Variants in TM2D3 observed in about 807,000 individuals in gnomAD.
TM2D3 encodes TM2 domain-containing protein 3.
Under a neutral mutation model 27.3 loss-of-function variants are expected in TM2D3, and 33 were observed. The observed-to-expected ratio is 1.21, with a 90% CI of 0.92 to 1.61. The LOEUF is 1.61. TM2D3 is among the 40% of genes most tolerant of loss of function. The pLI is 0.00. For synonymous variants in TM2D3, 138 were observed against 122.2 expected (o/e 1.13, Z -0.85); for missense variants, 364 against 320.8 (o/e 1.13, Z -1.03).
chr15:101,652,245 G>C (rs750319555), intron 1 of TM2D3, 26 bp downstream of exon 1: 9 of 1,593,932 alleles, frequency 5.6e-6, no homozygotes, highest in Non-Finnish European at 7.7e-6. Flanking sequence ...AGCCCCACCC[G>C]GCGCTGAACC....
downstream of TM2D3, among the ~76,000 whole-genome samples, chr15:101,641,502 G>T (rs1238758863): frequency 6.6e-6 from 1 of 152,218 alleles, no homozygotes; most frequent in Admixed American, 6.5e-5. Context: ...TTCTAGATAT[G>T]ATATGGTGGT....
In TM2D3 at chr15:101,644,939, T is replaced by C. The variant is rs534790862; in HGVS notation, c.578+148A>G. 8 of 736,114 alleles carry C rather than the reference T, an allele frequency of 1.1e-5. No homozygotes were observed. In the East Asian group the frequency reaches 1.9e-4, roughly 17 times the overall value. The allele number at this position is 736,114 out of a possible 1,614,324, so 45.6% of individuals were successfully genotyped here. ...CTCCACGGAGGTACTGGTCTGATCA[T>C]CTAAACTCTTCCAGCTGTTTGCTAG... On this transcript the variant is annotated intron_variant, in intron 5 of 5. Coordinates refer to ENST00000333202, the MANE Select transcript of TM2D3 (RefSeq NM_078474.3).
intron 4 of TM2D3, 87 bp downstream of exon 4, chr15:101,646,638 C>T (rs2141365857): frequency 6.8e-7 from 1 of 1,477,562 alleles, no homozygotes; most frequent in Non-Finnish European, 9.4e-7. Context: ...AATTAAGTAA[C>T]TTGACTCGCA....
chr15:101,647,794 A>G (rs1037940791), intron 3 of TM2D3, among the ~76,000 whole-genome samples: 3 of 152,120 alleles, frequency 2.0e-5, no homozygotes, highest in Non-Finnish European at 4.4e-5. Context: ...TCTACCTGAC[A>G]TTACATTGCA....
At chr15:101,639,804 T>C (rs191402042), downstream of TM2D3, among the ~76,000 whole-genome samples, 152 of 152,314 alleles carry the variant, frequency 1.0e-3, no homozygotes, top group African/African-American at 3.4e-3. Flanking sequence ...TGCCAGTCCC[T>C]GGAATTGTAC....
chr15:101,633,775 T>A (rs1443426196), intron 4 of TM2D3: 1 of 1,475,202 alleles, frequency 6.8e-7, no homozygotes, highest in Non-Finnish European at 9.1e-7. Context: ...CAATTAGTTC[T>A]TATGACATAA....
At chr15:101,641,212 C>T (rs1201975313), downstream of TM2D3, among the ~76,000 whole-genome samples, 1 of 152,138 alleles carries the variant, frequency 6.6e-6, no homozygotes, top group Non-Finnish European at 1.5e-5. Context: ...AAGAAAGGTC[C>T]ACATAAACCG....
At chr15:101,639,026 G>A (rs1436239879), downstream of TM2D3, among the ~76,000 whole-genome samples, 1 of 152,198 alleles carries the variant, frequency 6.6e-6, no homozygotes, top group Admixed American at 6.5e-5. Context: ...TGGAGCCTTA[G>A]TAAATTATGT....
chr15:101,640,513 T>C (rs1417091243), downstream of TM2D3, among the ~76,000 whole-genome samples: 1 of 152,184 alleles, frequency 6.6e-6, no homozygotes, highest in Admixed American at 6.5e-5. Flanking sequence ...AGCAGAGGAA[T>C]AGAACCTGAA....
chr15:101,652,268 C>T lies in TM2D3; in HGVS notation c.91+3G>A, dbSNP rs1193903061. The T allele has an allele frequency of 4.4e-6, 7 of 1,604,396 alleles. No homozygotes were observed. The Admixed American group carries it at 1.0e-4, about 23-fold the overall frequency. On this transcript the variant is annotated splice_donor_region_variant and intron_variant, in intron 1 of 5. Transcript: ENST00000333202. ...CCGGCGCTGAACCCAGCCTTTGACT[C>T]ACCACCGCCCGACAGAATGCAGAAC...
At chr15:101,641,404 A>C (rs562840568), downstream of TM2D3, among the ~76,000 whole-genome samples, 1 of 152,362 alleles carries the variant, frequency 6.6e-6, no homozygotes, top group East Asian at 1.9e-4. Context: ...ACTGTGCTTT[A>C]AACAGCAGCA....
At chr15:101,643,292 T>C (rs1896714988) in intron 5 of TM2D3, among the ~76,000 whole-genome samples, 1 of 152,040 alleles carries the variant, frequency 6.6e-6, no homozygotes, top group South Asian at 2.1e-4. Flanking sequence ...ATCATCTCAT[T>C]ACAGTGATGA....
rs555678568 is a variant in TM2D3, at chr15:101,642,963, C to T, written c.579-319G>A. Among the ~76,000 whole-genome samples, 7 of 152,196 alleles carry T rather than the reference C, an allele frequency of 4.6e-5. No homozygotes were observed. The South Asian group carries it at 1.0e-3, about 23-fold the overall frequency. On this transcript the variant is annotated intron_variant, in intron 5 of 5. Coordinates refer to ENST00000333202, the MANE Select transcript of TM2D3 (RefSeq NM_078474.3). Reference sequence around the variant, plus strand: ...CAGTCTAACAGGAAGTGCACTAACACGGGGTCAGGGCTGGAGTCAGGAGGA... The same window carrying T: ...CAGTCTAACAGGAAGTGCACTAACATGGGGTCAGGGCTGGAGTCAGGAGGA...
chr15:101,634,761 C>A (rs1567307846), intron 4 of TM2D3: 1 of 152,180 alleles, frequency 6.6e-6, no homozygotes, highest in African/African-American at 2.4e-5. Flanking sequence ...ACAGTGAAAA[C>A]CAGCTACAAA....
At chr15:101,639,183 A>G (rs940893821), downstream of TM2D3, among the ~76,000 whole-genome samples, 8 of 152,206 alleles carry the variant, frequency 5.3e-5, no homozygotes, top group East Asian at 9.6e-4. Context: ...TACAGTTATC[A>G]TATTATAAAT....
At chr15:101,643,635 A>AC (rs1276080445) in intron 5 of TM2D3, among the ~76,000 whole-genome samples, 2 of 150,028 alleles carry the variant, frequency 1.3e-5, no homozygotes, top group Non-Finnish European at 3.0e-5. Context: ...AAAAAAAAAA[A>AC]AAAACCATGT....
chr15:101,646,789 C>A lies in TM2D3; in HGVS notation c.438G>T (p.Thr146=). Reference sequence around the variant, plus strand: ...GGTAGCGCTGCCGAGGACAGGACACCGTCATGCAGCTGGTGGAGTTGGTAC... The same window carrying A: ...GGTAGCGCTGCCGAGGACAGGACACAGTCATGCAGCTGGTGGAGTTGGTAC... ...YECTNSTSCM[T]VSCPRQRYPA... is the part of the protein sequence containing the mutation. The change falls in exon 4 of 6, where the codon ACG becomes ACT. Residue 146 remains threonine (T), a synonymous_variant. Transcript: ENST00000333202. 1 of 1,614,134 alleles carries A rather than the reference C, an allele frequency of 6.2e-7. No individual in the cohort carries two copies. The highest frequency in any genetic ancestry group is 8.5e-7 in the Non-Finnish European group (1 of 1,180,022).
intron 4 of TM2D3, chr15:101,635,138 T>C (rs1356958264): frequency 6.6e-6 from 1 of 152,198 alleles, no homozygotes; most frequent in Non-Finnish European, 1.5e-5. Flanking sequence ...CCAGCTTGGG[T>C]GACAGAGCAA....
rs535784366 is a variant in TM2D3, at chr15:101,647,929, G to A, written c.328-1030C>T. 7.8e-4 allele frequency among the ~76,000 whole-genome samples: 118 copies of A among 151,286 alleles called. 1 individual carries two copies. Among genetic ancestry groups the A allele is most frequent in the African/African-American group, 2.8e-3 (116 of 41,140 alleles). On this transcript the variant is annotated intron_variant, in intron 3 of 5. Transcript: ENST00000333202. ...TTTTCTTTTTTTGAGATGGAGTCTC[G>A]CTCTGTCGCCCAGGCTGGAATGCGG... is the stretch of plus-strand genomic sequence containing the variant.
Sources: gnomAD v4.1 joint callset for allele counts (sites outside exome capture counted in the v4.1 genomes callset) on GRCh38, gnomAD v4.1.1 for gene constraint, MANE v1.5 for transcripts, NCBI Gene and HGNC (gene_info 2026-07-23, HGNC 2026-07-21) for gene names.